Variants in ZNF81 observed in about 807,000 individuals in gnomAD.
ZNF81 encodes zinc finger protein 81 (HFZ20).
Under a neutral mutation model 32.3 loss-of-function variants are expected in ZNF81, and 5 were observed. The observed-to-expected ratio is 0.15, with a 90% CI of 0.08 to 0.33. The LOEUF (loss-of-function observed/expected upper bound fraction) is 0.33, where lower values mean the gene tolerates loss of function less well. Among genes scored for constraint, ZNF81 ranks in the 10% least tolerant of loss-of-function variants. The pLI is 1.00. For synonymous variants in ZNF81, 163 were observed against 166.8 expected (o/e 0.98, Z 0.17); for missense variants, 379 against 479.8 (o/e 0.79, Z 1.96).
chrX:47,906,804 G>A (rs1019972783), intron 4 of ZNF81, among the ~76,000 whole-genome samples: 3 of 112,356 alleles, frequency 2.7e-5, no homozygotes, highest in East Asian at 5.5e-4. Context: ...GCGACAGAGC[G>A]AGACTCCACC....
chrX:47,860,622 A>G (rs1471537192), intron 2 of ZNF81: 2 of 111,390 alleles, frequency 1.8e-5, no homozygotes, highest in Non-Finnish European at 3.8e-5. Context: ...TTTATAGCCA[A>G]TTGGCCAGAA....
rs2058469512 is a variant in ZNF81, at chrX:47,846,196, C to T, written c.-72C>T. On this transcript the variant is annotated 5_prime_UTR_variant, in exon 2 of 5. Coordinates refer to ENST00000338637, the MANE Select transcript of ZNF81 (RefSeq NM_007137.5). ...TGACCCCAGCAGTCCCCGTTGAGTC[C>T]ACCGATCCCACTGGAATTATAAAGT... is the stretch of plus-strand genomic sequence containing the variant. 3 of 1,134,053 alleles carry T rather than the reference C, an allele frequency of 2.6e-6. No homozygotes were observed. Among genetic ancestry groups the T allele is most frequent in the Non-Finnish European group, 3.6e-6 (3 of 838,958 alleles). The allele number at this position is 1,134,053 out of a possible 1,213,427, so 93.5% of individuals were successfully genotyped here. A position where few individuals can be genotyped will look rare whatever the true frequency, so the allele number is the denominator to read the frequency against.
chrX:47,845,062 T>C (rs1242784824), intron 1 of ZNF81, among the ~76,000 whole-genome samples: 2 of 112,558 alleles, frequency 1.8e-5, no homozygotes, highest in African/African-American at 6.4e-5. Flanking sequence ...AAAGTTCCAT[T>C]ACTATAAGAG....
rs782304783 is a variant in ZNF81 at position 47,892,516 on chromosome X, C to A, written c.182-3329C>A. 3.6e-5 allele frequency among the ~76,000 whole-genome samples: 4 copies of A among 112,002 alleles called. No individual in the cohort carries two copies. The South Asian group carries it at 1.5e-3, about 42-fold the overall frequency. The stretch of plus-strand genomic sequence containing the variant: ...TTGGATACCTTCCTCTGCAGAGTAC[C>A]CAGGCAGTTCTGGCATTTCAACTTC... On this transcript the variant is annotated intron_variant, in intron 3 of 4. Transcript: ENST00000338637.
intron 1 of ZNF81, among the ~76,000 whole-genome samples, chrX:47,845,461 T>C (rs2058466754): frequency 8.9e-6 from 1 of 112,145 alleles, no homozygotes; most frequent in Non-Finnish European, 1.9e-5. Flanking sequence ...TTTCAAGAAA[T>C]TTTACTTAAC....
Position 47,854,040 on chromosome X carries a change from T to A in ZNF81, c.54+7719T>A, listed in dbSNP as rs151024861. ...GAAAATCTGTTGTTTAGTGTAGCCATCTTCATCAATGATTTTAGCTAGATC... is the reference window on the plus strand; with the variant it reads ...GAAAATCTGTTGTTTAGTGTAGCCAACTTCATCAATGATTTTAGCTAGATC... On this transcript the variant is annotated intron_variant, in intron 2 of 4. Transcript: ENST00000338637. 6.4e-4 allele frequency among the ~76,000 whole-genome samples: 72 copies of A among 112,933 alleles called. No individual in the cohort carries two copies. In the East Asian group the frequency reaches 0.017, roughly 27 times the overall value.
At chrX:47,913,794 A>T (rs2058746975) in intron 4 of ZNF81, among the ~76,000 whole-genome samples, 1 of 111,675 alleles carries the variant, frequency 9.0e-6, no homozygotes, top group South Asian at 3.8e-4. Context: ...ACCTTTAAGC[A>T]CATAGCAAAG....
intron 1 of ZNF81, among the ~76,000 whole-genome samples, chrX:47,843,674 C>CA (rs2058459976): frequency 9.0e-6 from 1 of 111,628 alleles, no homozygotes; most frequent in Non-Finnish European, 1.9e-5. Context: ...CAGGTGCACA[C>CA]AACCATGCCT....
Position 47,919,896 on chromosome X carries a change from G to A in ZNF81, c.*3264G>A, listed in dbSNP as rs1447224756. The A allele has an allele frequency of 3.6e-5, 4 of 112,007 alleles. No homozygotes were observed. The highest frequency in any genetic ancestry group is 7.5e-5 in the Non-Finnish European group (4 of 53,202). The allele number at this position is 112,007 out of a possible 1,213,427, so 9.2% of individuals were successfully genotyped here. On this transcript the variant is annotated 3_prime_UTR_variant, in exon 5 of 5. Transcript: ENST00000338637. ...GTTATTTTTAACTCCCTGTCTGATA[G>A]TTCCAACTACTAGGTCAACTGAGTC...
intron 2 of ZNF81, 41 bp from the exon 3 acceptor site, chrX:47,887,958 G>GC: frequency 1.7e-6 from 2 of 1,210,894 alleles, no homozygotes; most frequent in Non-Finnish European, 2.2e-6. Context: ...CCATCCTCCA[G>GC]TGCTGATCAT....
In ZNF81 at chrX:47,895,864, A is replaced by C; in HGVS notation, c.201A>C (p.Pro67=). Residue 67 remains proline (P), a synonymous_variant, in exon 4 of 5, where the codon CCA becomes CCC. Transcript: ENST00000338637. ...TAACAGGGTTCGAAGTTCCTAAACC[A>C]GAGGTCATCTTCAAGTTGGAGCAAG... The part of the protein sequence containing the change: ...LLSVGFEVPK[P]EVIFKLEQGE... The C allele has an allele frequency of 8.3e-7, 1 of 1,209,773 alleles. No homozygotes were observed. Among genetic ancestry groups the C allele is most frequent in the Non-Finnish European group, 1.1e-6 (1 of 893,727 alleles).
At chrX:47,886,850 G>C (rs1194409515) in intron 2 of ZNF81, among the ~76,000 whole-genome samples, 1 of 111,312 alleles carries the variant, frequency 9.0e-6, no homozygotes, top group Non-Finnish European at 1.9e-5. Flanking sequence ...TCCTCCCATA[G>C]ATGCCTGACT....
intron 1 of ZNF81, 91 bp from the exon 2 acceptor site, chrX:47,846,014 C>A: frequency 2.2e-6 from 1 of 459,430 alleles, no homozygotes. Context: ...TTCACAGTAT[C>A]CAGTGCAGTG....
chrX:47,855,197 A>C (rs782465058), intron 2 of ZNF81, among the ~76,000 whole-genome samples: 2 of 109,677 alleles, frequency 1.8e-5, no homozygotes, highest in Admixed American at 9.8e-5. Flanking sequence ...AAATAAAAAA[A>C]CCCCCAAATC....
intron 2 of ZNF81, among the ~76,000 whole-genome samples, chrX:47,885,106 A>C (rs782460923): frequency 6.2e-5 from 7 of 112,153 alleles, no homozygotes; most frequent in Non-Finnish European, 9.4e-5. Flanking sequence ...GTACCATCCA[A>C]CTGTGTTTTA....
chrX:47,850,785 A>T (rs2058490936), intron 2 of ZNF81, among the ~76,000 whole-genome samples: 1 of 110,430 alleles, frequency 9.1e-6, no homozygotes, highest in Admixed American at 9.8e-5. Flanking sequence ...TTGAAAAGAA[A>T]AAAAGTACCC....
In ZNF81 at chrX:47,917,498, G is replaced by T; in HGVS notation, c.*866G>T. 1 of 278,318 alleles carries T rather than the reference G, an allele frequency of 3.6e-6. No individual in the cohort carries two copies. The allele number at this position is 278,318 out of a possible 1,213,427, so 22.9% of individuals were successfully genotyped here. ...AATCAATAAGAAGCTTGAGAAGTGT[G>T]CAAAGCCTGCCTTGAAGCTTACCCT... On this transcript the variant is annotated 3_prime_UTR_variant, in exon 5 of 5. Transcript: ENST00000338637.
At chrX:47,868,970 G>T (rs1332111073) in intron 2 of ZNF81, among the ~76,000 whole-genome samples, 1 of 109,065 alleles carries the variant, frequency 9.2e-6, no homozygotes, top group African/African-American at 3.3e-5. Flanking sequence ...TATACATCTT[G>T]AGGAGTCTGT....
At chrX:47,869,019 G>A (rs1467282105) in intron 2 of ZNF81, among the ~76,000 whole-genome samples, 2 of 110,637 alleles carry the variant, frequency 1.8e-5, no homozygotes, top group Non-Finnish European at 3.8e-5. Context: ...ATTTACCATC[G>A]ATGTCTTTAC....
Sources: gnomAD v4.1 joint callset for allele counts (sites outside exome capture counted in the v4.1 genomes callset) on GRCh38, gnomAD v4.1.1 for gene constraint, MANE v1.5 for transcripts, NCBI Gene and HGNC (gene_info 2026-07-23, HGNC 2026-07-21) for gene names.